Variants in GPHN observed in about 807,000 individuals in gnomAD.
GPHN encodes the protein gephyrin.
GPHN carries 17 observed loss-of-function variants against 95.5 expected under a neutral mutation model. That is an observed-to-expected ratio of 0.18 (90% CI 0.12 to 0.27). The LOEUF is 0.27. GPHN is among the 10% of genes least tolerant of loss of function. The probability of loss-of-function intolerance (pLI) is 1.00; values close to 1 mark genes in which losing one functional copy is unlikely to be tolerated. For missense variants in GPHN, 660 were observed against 978.1 expected, an observed-to-expected ratio of 0.67 and a Z score of 4.34; for synonymous variants, 320 against 322.5, an observed-to-expected ratio of 0.99 and a Z score of 0.08.
chr14:67,590,246 C>CA, the GPHN span: 4 of 1,022,582 alleles, frequency 3.9e-6, no homozygotes, highest in South Asian at 4.0e-5. Flanking sequence ...CATCCACTTG[C>CA]AAATTTTTTT....
At chr14:66,817,412 CTT>C (rs1344426732) in intron 3 of GPHN, among the ~76,000 whole-genome samples, 2 of 151,956 alleles carry the variant, frequency 1.3e-5, no homozygotes, top group African/African-American at 4.8e-5. Context: ...AAAAGATAAA[CTT>C]ATCACTAATG....
chr14:67,674,259 G>A, the GPHN span: 1 of 971,984 alleles, frequency 1.0e-6, no homozygotes, highest in South Asian at 1.8e-5. Context: ...TAGGGGGCGT[G>A]TCTGAGGACG....
chr14:67,434,514 C>A, the GPHN span, among the ~76,000 whole-genome samples: 212 of 152,296 alleles, frequency 1.4e-3, no homozygotes, highest in Admixed American at 2.4e-3. Flanking sequence ...AGAGAAGAAT[C>A]GCTGATGGGA....
the GPHN span, among the ~76,000 whole-genome samples, chr14:67,391,322 C>T: frequency 6.8e-6 from 1 of 146,304 alleles, no homozygotes; most frequent in South Asian, 2.2e-4. Context: ...TTTGGCCTCA[C>T]TGACCAGGAG....
intron 2 of GPHN, among the ~76,000 whole-genome samples, chr14:66,707,836 G>C (rs963125355): frequency 6.6e-6 from 1 of 152,168 alleles, no homozygotes; most frequent in Admixed American, 6.5e-5. Context: ...TTTATACAAA[G>C]TGATGTTTCA....
the GPHN span, chr14:67,574,174 C>T: frequency 8.8e-4 from 1,252 of 1,420,276 alleles, 16 homozygotes; most frequent in African/African-American, 0.016. The surrounding 1 kb of genome is among the most constrained non-coding windows in gnomAD (Gnocchi z 4.2). Context: ...GGTGCCACCT[C>T]GGAGCCAGGT....
At chr14:67,460,500 C>T in the GPHN span, among the ~76,000 whole-genome samples, 3 of 152,080 alleles carry the variant, frequency 2.0e-5, no homozygotes, top group South Asian at 2.1e-4. Flanking sequence ...GTCAGGAGTT[C>T]GAGACCAGCC....
the GPHN span, among the ~76,000 whole-genome samples, chr14:67,258,771 TTAA>T: frequency 1.2e-4 from 18 of 152,244 alleles, no homozygotes; most frequent in African/African-American, 4.1e-4. Flanking sequence ...GTAATAGTTC[TTAA>T]TAAGTTATTT....
At chr14:67,725,341 A>G in the GPHN span, 3 of 1,376,740 alleles carry the variant, frequency 2.2e-6, no homozygotes, top group African/African-American at 2.9e-5. Context: ...CCCTTACATC[A>G]GAACCATCAT....
chr14:66,842,553 G>A, intron 4 of GPHN: 1 of 655,132 alleles, frequency 1.5e-6, no homozygotes, highest in Non-Finnish European at 2.6e-6. Flanking sequence ...GTTTCATTCT[G>A]AGGAAGGGAG....
chr14:66,994,183 T>C lies in GPHN; in HGVS notation c.963+28858T>C, dbSNP rs565129971. The stretch of plus-strand genomic sequence containing the variant: ...GAGTTCAAGACCAGCCTGGCCAACA[T>C]GGTGAAACCCCATCTCTACTAAAAA... On this transcript the variant is annotated intron_variant, in intron 9 of 22. Coordinates refer to ENST00000478722, the MANE Select transcript of GPHN (RefSeq NM_020806.5). Among the ~76,000 whole-genome samples, 436 of 152,108 alleles carry C rather than the reference T, an allele frequency of 2.9e-3. 2 individuals are homozygous for C. The highest frequency in any genetic ancestry group is 4.3e-3 in the Non-Finnish European group (293 of 67,980).
chr14:67,348,857 G>T, the GPHN span: 1 of 634,184 alleles, frequency 1.6e-6, no homozygotes, highest in Non-Finnish European at 2.7e-6. Flanking sequence ...CTATACAAAA[G>T]TCAAGTTATC....
the GPHN span, among the ~76,000 whole-genome samples, chr14:67,456,922 T>C: frequency 1.3e-5 from 2 of 152,326 alleles, no homozygotes; most frequent in Non-Finnish European, 2.9e-5. Context: ...ATGTGGTACA[T>C]ATATACCATA....
At chr14:66,897,836 A>G (rs928704989) in intron 5 of GPHN, among the ~76,000 whole-genome samples, 1 of 152,122 alleles carries the variant, frequency 6.6e-6, no homozygotes, top group African/African-American at 2.4e-5. Context: ...TTCTGTTTAA[A>G]TGAACTGTCA....
At chr14:67,014,393 G>GT (rs1594818744) in intron 9 of GPHN, among the ~76,000 whole-genome samples, 2 of 151,924 alleles carry the variant, frequency 1.3e-5, no homozygotes, top group Non-Finnish European at 2.9e-5. Context: ...AATCTAGACA[G>GT]TTTTTTTCCA....
intron 4 of GPHN, among the ~76,000 whole-genome samples, chr14:66,863,835 TA>T (rs1467264407): frequency 6.6e-6 from 1 of 152,138 alleles, no homozygotes; most frequent in Non-Finnish European, 1.5e-5. Flanking sequence ...ATTAAAAACT[TA>T]AATCTAAGAC....
the GPHN span, among the ~76,000 whole-genome samples, chr14:67,429,324 G>A: frequency 2.7e-5 from 4 of 150,882 alleles, no homozygotes; most frequent in South Asian, 6.3e-4. Flanking sequence ...TCCGGCTCCC[G>A]GGTTCAAGCG....
intron 1 of GPHN, among the ~76,000 whole-genome samples, chr14:66,651,829 C>T (rs2065057229): frequency 1.3e-5 from 2 of 151,386 alleles, no homozygotes; most frequent in African/African-American, 4.9e-5. Flanking sequence ...CACTATCTCC[C>T]ATCACCCCGA....
chr14:66,883,223 T>C (rs2064017371), intron 5 of GPHN, among the ~76,000 whole-genome samples: 1 of 151,950 alleles, frequency 6.6e-6, no homozygotes, highest in South Asian at 2.1e-4. Context: ...TTTTACTCTG[T>C]ATTAATTTTA....
Sources: allele counts gnomAD v4.1 joint callset (sites outside exome capture counted in the v4.1 genomes callset), GRCh38; gene constraint gnomAD v4.1.1; non-coding constraint Gnocchi (gnomAD v3.1); transcripts MANE v1.5; gene names NCBI Gene and HGNC (gene_info 2026-07-23, HGNC 2026-07-21).